Variants in NRK observed in about 807,000 individuals in gnomAD.
NRK encodes nik-related protein kinase.
A neutral mutation model predicts 125.2 loss-of-function variants in NRK; 67 were observed. The observed-to-expected ratio is 0.54, with a 90% CI of 0.44 to 0.66. NRK has a LOEUF of 0.66. Among genes scored for constraint, NRK ranks in the 30% least tolerant of loss-of-function variants. The pLI is 0.00. For synonymous variants in NRK, 458 were observed against 429.0 expected (o/e 1.07, Z -0.84); for missense variants, 1,224 against 1,192.9 (o/e 1.03, Z -0.38).
At position 105,953,119 on chromosome X, in the gene NRK, G is replaced by A. The variant is rs1422009792; in HGVS notation, c.4599G>A (p.Glu1533=). 8.3e-7 allele frequency: 1 copy of A among 1,197,697 alleles called. No individual in the cohort carries two copies. Among genetic ancestry groups the A allele is most frequent in the East Asian group, 3.0e-5 (1 of 33,656 alleles). Residue 1533 remains glutamate, a synonymous_variant, in exon 28 of 29, where the codon GAG becomes GAA. Transcript: ENST00000243300. ...TGCAATCCAGGGTTCTGGAAAGTGA[G>A]CTGAAGCGCAGGTCAATTAAGAAGC... is the stretch of plus-strand genomic sequence containing the variant. ...RSLQSRVLES[E]LKRRSIKKLR... is the part of the protein sequence containing the mutation.
intron 19 of NRK, among the ~76,000 whole-genome samples, chrX:105,925,863 G>C (rs1328433224): frequency 9.0e-6 from 1 of 111,233 alleles, no homozygotes; most frequent in Non-Finnish European, 1.9e-5. Flanking sequence ...GGATGCTTAG[G>C]CTGATGCCTT....
chrX:105,909,000 G>A lies in NRK; in HGVS notation c.1359G>A (p.Val453=). ...ARVFMPLQAQ[V]KAKASKPLQM... is the part of the protein sequence containing the mutation. Reference sequence around the variant, plus strand: ...TGTTCATGCCACTACAGGCTCAGGTGAAGGCTAAGGCCTCTAAACCTCTAC... The same window carrying A: ...TGTTCATGCCACTACAGGCTCAGGTAAAGGCTAAGGCCTCTAAACCTCTAC... Residue 453 remains valine (V), a synonymous_variant, in exon 13 of 29, where the codon GTG becomes GTA. Coordinates refer to ENST00000243300, the MANE Select transcript of NRK (RefSeq NM_198465.4). 8.3e-7 allele frequency: 1 copy of A among 1,208,735 alleles called. No homozygotes were observed. The highest frequency in any genetic ancestry group is 1.1e-6 in the Non-Finnish European group (1 of 893,487).
chrX:105,888,155 A>C, intron 4 of NRK, 139 bp from the exon 5 acceptor site: 1 of 453,352 alleles, frequency 2.2e-6, no homozygotes, highest in Non-Finnish European at 3.5e-6. Context: ...TGACCATTTT[A>C]GTTGAGATTT....
chrX:105,906,036 A>G (rs973473434), intron 10 of NRK, among the ~76,000 whole-genome samples: 1 of 111,987 alleles, frequency 8.9e-6, no homozygotes, highest in African/African-American at 3.2e-5. Context: ...AACTGCATAT[A>G]GTCAAATGAA....
At position 105,840,094 on chromosome X, in the gene NRK, G is replaced by A. The variant is rs765583198; in HGVS notation, c.123+8975G>A. 3.0e-4 allele frequency among the ~76,000 whole-genome samples: 33 copies of A among 111,812 alleles called. No individual in the cohort carries two copies. In the South Asian group the frequency reaches 0.011, roughly 38 times the overall value. On this transcript the variant is annotated intron_variant, in intron 2 of 28. Transcript: ENST00000243300. The stretch of plus-strand genomic sequence containing the variant: ...AAAATGGAATATTTCTATCTTGGCC[G>A]TGACAACTCTCCAACTGTGGAATAG...
At chrX:105,888,694 C>T (rs752168580) in intron 5 of NRK, among the ~76,000 whole-genome samples, 74 of 111,209 alleles carry the variant, frequency 6.7e-4, no homozygotes, top group African/African-American at 2.3e-3. Context: ...CTCACAATCA[C>T]GGCAGAAGGC....
intron 1 of NRK, among the ~76,000 whole-genome samples, chrX:105,826,060 A>G (rs180908821): frequency 1.0e-5 from 1 of 96,721 alleles, no homozygotes; most frequent in African/African-American, 3.7e-5. Flanking sequence ...CTCTCTCTAT[A>G]TATATATATA....
rs779580689 is a variant in NRK at position 105,908,815 on chromosome X, C to A, written c.1174C>A (p.Pro392Thr). The A allele has an allele frequency of 8.3e-7, 1 of 1,210,929 alleles. No homozygotes were observed. Residue 392 changes from proline to threonine, a missense_variant, in exon 13 of 29, where the codon CCA (proline) becomes ACA (threonine). Transcript: ENST00000243300. ...AGTCCTGCATGGGGAACCCTCTCAG[C>A]CAAGGTGGCTACCTGATCGAGAAGA... ...LRVLHGEPSQ[P>T]RWLPDREEPQ... is the part of the protein sequence containing the mutation.
chrX:105,929,304 A>G (rs1263314077), intron 19 of NRK, among the ~76,000 whole-genome samples: 1 of 111,445 alleles, frequency 9.0e-6, no homozygotes, highest in African/African-American at 3.3e-5. Context: ...AAGTGTAGCT[A>G]TTCACGCTTG....
At chrX:105,949,952 T>C (rs1337557473) in intron 27 of NRK, among the ~76,000 whole-genome samples, 1 of 111,935 alleles carries the variant, frequency 8.9e-6, no homozygotes, top group East Asian at 2.8e-4. Context: ...ATTTTGGTTA[T>C]CTGAGTTATT....
At chrX:105,888,982 C>T (rs2039983148) in intron 5 of NRK, among the ~76,000 whole-genome samples, 2 of 111,638 alleles carry the variant, frequency 1.8e-5, no homozygotes, top group African/African-American at 6.5e-5. Flanking sequence ...ACCAATCATG[C>T]CTTCCCAGCA....
chrX:105,831,509 T>C (rs1353003371), intron 2 of NRK, among the ~76,000 whole-genome samples: 1 of 112,435 alleles, frequency 8.9e-6, no homozygotes. Context: ...ACATTCTATA[T>C]CATACTGTGT....
intron 4 of NRK, among the ~76,000 whole-genome samples, chrX:105,882,901 TAATAAA>T (rs1202253395): frequency 8.9e-6 from 1 of 112,270 alleles, no homozygotes; most frequent in African/African-American, 3.2e-5. Context: ...ACATTTGTGC[TAATAAA>T]ACTTTTTTAA....
At chrX:105,952,885 C>A (rs2040918403) in intron 27 of NRK, 149 bp from the exon 28 acceptor site, 1 of 424,852 alleles carries the variant, frequency 2.4e-6, no homozygotes, top group Admixed American at 5.0e-5. Context: ...AATGGCCAAA[C>A]AACTGACTAC....
At chrX:105,826,241 A>AAT (rs1297915316) in intron 1 of NRK, among the ~76,000 whole-genome samples, 1 of 87,416 alleles carries the variant, frequency 1.1e-5, no homozygotes, top group African/African-American at 4.3e-5. Context: ...TATCATATAT[A>AAT]ATATATATGA....
At chrX:105,937,784 C>A (rs190762042) in intron 22 of NRK, among the ~76,000 whole-genome samples, 1 of 111,347 alleles carries the variant, frequency 9.0e-6, no homozygotes, top group Non-Finnish European at 1.9e-5. Flanking sequence ...AGTACCTAAC[C>A]TAGGTTACTG....
intron 5 of NRK, among the ~76,000 whole-genome samples, chrX:105,890,323 A>G (rs750201808): frequency 1.8e-5 from 2 of 111,764 alleles, no homozygotes; most frequent in African/African-American, 6.5e-5. Flanking sequence ...GTTTCTAGGA[A>G]GTTCCAAACT....
intron 9 of NRK, among the ~76,000 whole-genome samples, chrX:105,902,362 C>A (rs887487374): frequency 8.1e-5 from 9 of 111,610 alleles, no homozygotes; most frequent in African/African-American, 2.9e-4. Flanking sequence ...AAACATTTCT[C>A]TTTTACCGGT....
chrX:105,938,206 T>C lies in NRK; in HGVS notation c.3799+624T>C, dbSNP rs762926583. On this transcript the variant is annotated intron_variant, in intron 22 of 28. Transcript: ENST00000243300. Reference sequence around the variant, plus strand: ...GGAAAGCACCAACATTAAAGCTGACTATAGGCAAAAGATGACTGACAAAAG... The same window carrying C: ...GGAAAGCACCAACATTAAAGCTGACCATAGGCAAAAGATGACTGACAAAAG... Among the ~76,000 whole-genome samples the C allele has an allele frequency of 2.7e-5, 3 of 111,661 alleles. No individual in the cohort carries two copies. The East Asian group carries it at 8.4e-4, about 31-fold the overall frequency.
Sources: allele counts gnomAD v4.1 joint callset (sites outside exome capture counted in the v4.1 genomes callset), GRCh38; gene constraint gnomAD v4.1.1; transcripts MANE v1.5; gene names NCBI Gene and HGNC (gene_info 2026-07-23, HGNC 2026-07-21).